Variants in PTPRO observed in about 807,000 individuals in gnomAD.
The protein encoded by PTPRO is protein tyrosine phosphatase receptor type O, also known as receptor-type tyrosine-protein phosphatase O.
In PTPRO, 62 loss-of-function variants were observed where a neutral mutation model predicts 145.2. The ratio of observed to expected loss-of-function variants is 0.43; its 90% CI spans 0.35 to 0.53. The LOEUF (loss-of-function observed/expected upper bound fraction) is 0.53. Among genes scored for constraint, PTPRO ranks in the 20% least tolerant of loss-of-function variants. The pLI, the probability that PTPRO is intolerant of heterozygous loss-of-function variation, is 0.01. For synonymous variants in PTPRO, 565 were observed against 514.7 expected (o/e 1.10, Z -1.32); for missense variants, 1,345 against 1,482.7 (o/e 0.91, Z 1.53).
chr12:15,411,866 G>T (rs943953218), intron 1 of PTPRO, among the ~76,000 whole-genome samples: 1 of 152,178 alleles, frequency 6.6e-6, no homozygotes, highest in African/African-American at 2.4e-5. Flanking sequence ...CTATCACAGT[G>T]ATGGCAAAAT....
rs901609921 is a variant in PTPRO at position 15,590,522 on chromosome 12, C to G, written c.3546+932C>G. Among the ~76,000 whole-genome samples, 4 of 152,184 alleles carry G rather than the reference C, an allele frequency of 2.6e-5. No individual in the cohort carries two copies. In the South Asian group the frequency reaches 8.3e-4, roughly 31 times the overall value. ...TCTTCCTCATGCTTTTCCTACCCAG[C>G]ACCACTAGATGTCAGTATCACTTCA... On this transcript the variant is annotated intron_variant, in intron 25 of 26. Transcript: ENST00000281171.
At position 15,516,780 on chromosome 12, in the gene PTPRO, G is replaced by C; in HGVS notation, c.1603G>C (p.Asp535His). The change falls in exon 9 of 27, where the codon GAT becomes CAT. Residue 535 changes from aspartate (D) to histidine (H), a missense_variant. Asp to His is a moderately conservative substitution (Grantham distance 81). Transcript: ENST00000281171. The part of the protein sequence containing the change: ...TFAIVPTGIK[D>H]LMLYPLGPTA... ...CTTTCTAGTTCCCACAGGAATAAAG[G>C]ATTTAATGCTCTATCCTTTGGGTCC... 6.2e-7 allele frequency: 1 copy of C among 1,609,250 alleles called. No individual in the cohort carries two copies. Among genetic ancestry groups the C allele is most frequent in the Non-Finnish European group, 8.5e-7 (1 of 1,175,570 alleles).
chr12:15,509,431 T>A (rs34657427), intron 7 of PTPRO, among the ~76,000 whole-genome samples: 45,824 of 150,192 alleles, frequency 0.31, 7,610 homozygotes, highest in Middle Eastern at 0.39. Flanking sequence ...GTGTGGGGGC[T>A]CACACCTTTA....
At chr12:15,457,115 T>A (rs1941197819) in intron 1 of PTPRO, among the ~76,000 whole-genome samples, 1 of 152,224 alleles carries the variant, frequency 6.6e-6, no homozygotes, top group African/African-American at 2.4e-5. Context: ...CCCTTGGACA[T>A]CAGACTCCAG....
At chr12:15,422,322 A>T (rs1274366802) in intron 1 of PTPRO, among the ~76,000 whole-genome samples, 1 of 152,156 alleles carries the variant, frequency 6.6e-6, no homozygotes, top group African/African-American at 2.4e-5. Flanking sequence ...AGGCAATTGT[A>T]AGAGCTTACA....
chr12:15,459,563 A>G (rs1016096809), intron 1 of PTPRO, among the ~76,000 whole-genome samples: 5 of 152,180 alleles, frequency 3.3e-5, no homozygotes, highest in African/African-American at 1.2e-4. Context: ...TTTTTTGTTC[A>G]CTTCAGATCC....
Position 15,484,096 on chromosome 12 carries a change from T to C in PTPRO, c.198T>C (p.Asn66=). Residue 66 remains asparagine, a synonymous_variant, in exon 2 of 27, where the codon AAT becomes AAC. Coordinates refer to ENST00000281171, the MANE Select transcript of PTPRO (RefSeq NM_030667.3). ...YVVKITGESK[N]YFFEFEEFNS... is the part of the protein sequence containing the mutation. ...TGAAGATAACTGGTGAATCCAAAAA[T>C]TATTTCTTCGAATTTGAGGAATTCA... 6.2e-7 allele frequency: 1 copy of C among 1,613,826 alleles called. No individual in the cohort carries two copies. Among genetic ancestry groups the C allele is most frequent in the Non-Finnish European group, 8.5e-7 (1 of 1,179,814 alleles).
chr12:15,564,643 T>G (rs1943853813), intron 17 of PTPRO, among the ~76,000 whole-genome samples: 1 of 152,182 alleles, frequency 6.6e-6, no homozygotes, highest in Non-Finnish European at 1.5e-5. Context: ...TAAATATAAA[T>G]AAATATTTGG....
chr12:15,485,388 A>T (rs964179600), intron 2 of PTPRO, among the ~76,000 whole-genome samples: 4 of 152,174 alleles, frequency 2.6e-5, no homozygotes, highest in Admixed American at 2.6e-4. Context: ...CTAGAAAAAG[A>T]TGAATTGCAA....
intron 7 of PTPRO, among the ~76,000 whole-genome samples, chr12:15,509,260 C>T (rs553841784): frequency 5.3e-5 from 8 of 151,972 alleles, no homozygotes; most frequent in Non-Finnish European, 7.4e-5. Context: ...AAAAACATCA[C>T]AGAGCAGGAG....
At chr12:15,418,453 AT>A (rs1253107017) in intron 1 of PTPRO, among the ~76,000 whole-genome samples, 1 of 151,718 alleles carries the variant, frequency 6.6e-6, no homozygotes, top group Non-Finnish European at 1.5e-5. Context: ...TCTGGCTTGG[AT>A]TTCTAAAGCT....
intron 1 of PTPRO, among the ~76,000 whole-genome samples, chr12:15,430,298 G>T (rs935324742): frequency 6.6e-6 from 1 of 152,012 alleles, no homozygotes; most frequent in Non-Finnish European, 1.5e-5. Flanking sequence ...AGGCAGCAAT[G>T]GAGACTGAGG....
chr12:15,375,618 C>T (rs149813451), intron 1 of PTPRO, among the ~76,000 whole-genome samples: 2,380 of 151,596 alleles, frequency 0.016, 67 homozygotes, highest in African/African-American at 0.054. Flanking sequence ...TAGCCAGGCA[C>T]GGTGGTGGGT....
At chr12:15,401,114 A>G (rs1167208039) in intron 1 of PTPRO, among the ~76,000 whole-genome samples, 1 of 152,204 alleles carries the variant, frequency 6.6e-6, no homozygotes, top group East Asian at 1.9e-4. Flanking sequence ...ACAGTCATTC[A>G]GAAACATGGG....
rs1028805818 is a variant in PTPRO at position 15,581,562 on chromosome 12, T to G, written c.3133-117T>G. On this transcript the variant is annotated intron_variant, in intron 22 of 26. Transcript: ENST00000281171. ...GAAATGGTTTGCTTTATGTTTCATC[T>G]TCACCACGGTCCTATCTAATTCTTT... The G allele has an allele frequency of 3.5e-5, 44 of 1,256,862 alleles. 1 individual carries two copies. Among genetic ancestry groups the G allele is most frequent in the Non-Finnish European group, 4.9e-5 (43 of 874,642 alleles). The allele number at this position is 1,256,862 out of a possible 1,614,324, so 77.9% of individuals were successfully genotyped here.
chr12:15,521,249 A>G (rs1166067742), intron 10 of PTPRO, among the ~76,000 whole-genome samples: 1 of 152,176 alleles, frequency 6.6e-6, no homozygotes, highest in Non-Finnish European at 1.5e-5. Flanking sequence ...GTGGAAAGAA[A>G]TCAATCATCT....
At chr12:15,343,513 C>G (rs553501980) in intron 1 of PTPRO, among the ~76,000 whole-genome samples, 1 of 151,978 alleles carries the variant, frequency 6.6e-6, no homozygotes, top group African/African-American at 2.4e-5. Flanking sequence ...ATGGCGAGAC[C>G]CCTATCTCTA....
chr12:15,482,016 A>G (rs908360139), intron 1 of PTPRO, among the ~76,000 whole-genome samples: 1 of 152,164 alleles, frequency 6.6e-6, no homozygotes, highest in East Asian at 1.9e-4. Context: ...GTATCTATCC[A>G]AAGGAAAGGA....
chr12:15,511,041 C>T (rs1942430390), intron 7 of PTPRO, among the ~76,000 whole-genome samples: 1 of 145,902 alleles, frequency 6.9e-6, no homozygotes, highest in South Asian at 2.2e-4. Context: ...CATGTACTTA[C>T]TTCAATTAGC....
Sources: gnomAD v4.1 joint callset for allele counts (sites outside exome capture counted in the v4.1 genomes callset) on GRCh38, gnomAD v4.1.1 for gene constraint, MANE v1.5 for transcripts, NCBI Gene and HGNC (gene_info 2026-07-23, HGNC 2026-07-21) for gene names.